Variants in NCAPD3 observed in about 807,000 individuals in gnomAD.
The protein encoded by NCAPD3 is non-SMC condensin II complex subunit D3, also known as condensin-2 complex subunit D3.
In NCAPD3, 105 loss-of-function variants were observed where a neutral mutation model predicts 182.9. The ratio of observed to expected loss-of-function variants is 0.57; its 90% CI spans 0.49 to 0.68. The LOEUF (loss-of-function observed/expected upper bound fraction) is 0.68. Ranked by LOEUF, NCAPD3 falls within the 30% of genes least tolerant of loss-of-function variation. NCAPD3 has a pLI of 0.00. For synonymous variants in NCAPD3, 815 were observed against 679.9 expected (o/e 1.20, Z -3.09); for missense variants, 1,944 against 1,837.0 (o/e 1.06, Z -1.07).
intron 27 of NCAPD3, among the ~76,000 whole-genome samples, chr11:134,167,254 T>G (rs1211571717): frequency 6.2e-4 from 59 of 95,554 alleles, no homozygotes; most frequent in South Asian, 1.9e-3. Flanking sequence ...ACTCGTGAGA[T>G]GAGCTTAGGG....
intron 16 of NCAPD3, among the ~76,000 whole-genome samples, chr11:134,186,994 T>TTATA (rs1944421111): frequency 6.6e-6 from 1 of 152,214 alleles, no homozygotes; most frequent in Admixed American, 6.5e-5. Flanking sequence ...GTAATGTTTA[T>TTATA]TATATGTAGC....
At chr11:134,208,432 C>T (rs936148262) in intron 7 of NCAPD3, among the ~76,000 whole-genome samples, 5 of 152,110 alleles carry the variant, frequency 3.3e-5, no homozygotes, top group Non-Finnish European at 7.3e-5. Context: ...ATACAACTAC[C>T]AATAGAAATA....
Position 134,151,795 on chromosome 11 carries a change from G to T in NCAPD3, c.*1149C>A, listed in dbSNP as rs142170616. The T allele has an allele frequency of 6.6e-6, 1 of 152,148 alleles. No homozygotes were observed. The highest frequency in any genetic ancestry group is 1.5e-5 in the Non-Finnish European group (1 of 68,038). 9.4% of individuals were successfully genotyped at this position (152,148 alleles called of 1,614,324 possible). On this transcript the variant is annotated 3_prime_UTR_variant, in exon 35 of 35. Transcript: ENST00000534548. The stretch of plus-strand genomic sequence containing the variant: ...TGTTATTTGCTCTTACGTTGGGTTT[G>T]TCTCTTCTTCCTAGCATTTCAGTGG...
chr11:134,205,111 G>T (rs1944823680), intron 8 of NCAPD3, 140 bp from the exon 9 acceptor site: 1 of 583,884 alleles, frequency 1.7e-6, no homozygotes, highest in African/African-American at 1.9e-5. Context: ...AGAATGAAGA[G>T]TGAAGACATA....
intron 2 of NCAPD3, 29 bp downstream of exon 2, chr11:134,220,543 C>T (rs1938186315): frequency 6.3e-7 from 1 of 1,593,314 alleles, no homozygotes; most frequent in Non-Finnish European, 8.6e-7. Context: ...TAACACCAAA[C>T]TTTGGCTAGT....
intron 1 of NCAPD3, 151 bp downstream of exon 1, chr11:134,223,711 TG>T: frequency 1.1e-6 from 1 of 888,178 alleles, no homozygotes; most frequent in Non-Finnish European, 1.7e-6. Flanking sequence ...GCCGCAATCC[TG>T]GCGTGGCACG....
In NCAPD3 at chr11:134,168,369, C is replaced by T. The variant is rs1041739978; in HGVS notation, c.3373+100G>A. 1.0e-5 allele frequency: 16 copies of T among 1,545,738 alleles called. No individual in the cohort carries two copies. The South Asian group carries it at 1.4e-4, about 13-fold the overall frequency. On this transcript the variant is annotated intron_variant, in intron 26 of 34. Coordinates refer to ENST00000534548, the MANE Select transcript of NCAPD3 (RefSeq NM_015261.3). ...GGACAAGATGACAGGGGTCTTCCTGCAGTGCCAGGGTCTCCCTTACTAGAG... is the reference window on the plus strand; with the variant it reads ...GGACAAGATGACAGGGGTCTTCCTGTAGTGCCAGGGTCTCCCTTACTAGAG...
At chr11:134,153,950 C>T (rs1222160499) in intron 32 of NCAPD3, 1 of 158,066 alleles carries the variant, frequency 6.3e-6, no homozygotes, top group Non-Finnish European at 1.4e-5. Flanking sequence ...TTCATGGCAC[C>T]TACCCGCAAT....
chr11:134,175,103 T>G (rs769288842), intron 24 of NCAPD3, among the ~76,000 whole-genome samples: 2 of 152,246 alleles, frequency 1.3e-5, no homozygotes, highest in Non-Finnish European at 2.9e-5. Flanking sequence ...TTCATTTGAT[T>G]GATGATCTGA....
chr11:134,160,222 A>T, intron 28 of NCAPD3, 148 bp from the exon 29 acceptor site: 1 of 720,472 alleles, frequency 1.4e-6, no homozygotes, highest in Admixed American at 3.1e-5. Context: ...AGAAAGAAAA[A>T]AGCCCCCCAA....
intron 32 of NCAPD3, among the ~76,000 whole-genome samples, chr11:134,155,549 A>T (rs73042025): frequency 0.025 from 3,869 of 152,338 alleles, 83 homozygotes; most frequent in Middle Eastern, 0.041. Context: ...GTGGCTCCAC[A>T]CAGGCAGATG....
In NCAPD3 at chr11:134,176,506, A is replaced by G. The variant is rs1944170661; in HGVS notation, c.3022-120T>C. 4 of 767,264 alleles carry G rather than the reference A, an allele frequency of 5.2e-6. No homozygotes were observed. In the Admixed American group the frequency reaches 6.1e-5, roughly 12 times the overall value. 47.5% of individuals were successfully genotyped at this position (767,264 alleles called of 1,614,324 possible). On this transcript the variant is annotated intron_variant, in intron 23 of 34. Transcript: ENST00000534548. ...CGGCACACTGGCTGAGTGCACAGGC[A>G]CACACTTCCAAACCGTCGGAATGTA...
At chr11:134,167,845 T>TG in intron 27 of NCAPD3, 151 bp downstream of exon 27, 1 of 729,150 alleles carries the variant, frequency 1.4e-6, no homozygotes, top group South Asian at 1.7e-5. Flanking sequence ...GAGATGAGCT[T>TG]GGGGGAGCAG....
At chr11:134,178,780 A>T in intron 21 of NCAPD3, 39 bp from the exon 22 acceptor site, 1 of 1,608,954 alleles carries the variant, frequency 6.2e-7, no homozygotes, top group Non-Finnish European at 8.5e-7. Context: ...CAGAACCTTG[A>T]AACGGCATGC....
In NCAPD3 at chr11:134,177,469, G is replaced by A; in HGVS notation, c.2783-12C>T. 6.2e-7 allele frequency: 1 copy of A among 1,604,186 alleles called. No individual in the cohort carries two copies. Among genetic ancestry groups the A allele is most frequent in the Middle Eastern group, 1.7e-4 (1 of 6,004 alleles). On this transcript the variant is annotated splice_polypyrimidine_tract_variant and intron_variant, in intron 22 of 34. Transcript: ENST00000534548. Reference sequence around the variant, plus strand: ...TAAGCACAGCTTACCTGGCACAGAAGACAGGAAGATGTCTCAACTGTATTC... The same window carrying A: ...TAAGCACAGCTTACCTGGCACAGAAAACAGGAAGATGTCTCAACTGTATTC...
intron 17 of NCAPD3, 110 bp from the exon 18 acceptor site, chr11:134,185,110 G>T: frequency 1.0e-6 from 1 of 975,046 alleles, no homozygotes; most frequent in Non-Finnish European, 1.6e-6. Flanking sequence ...TAGGTAGCAT[G>T]GCTTAGGAGT....
rs1035221258 is a variant in NCAPD3 at position 134,185,635 on chromosome 11, G to T, written c.2046-109C>A. The stretch of plus-strand genomic sequence containing the variant: ...CAACTTCTGCTGCTCCAGGACTCAA[G>T]TGGCACATGAAACTTATATGTAGAC... On this transcript the variant is annotated intron_variant, in intron 16 of 34. Transcript: ENST00000534548. 5.9e-6 allele frequency: 5 copies of T among 844,430 alleles called. No homozygotes were observed. The South Asian group carries it at 1.1e-4, about 18-fold the overall frequency. 52.3% of individuals were successfully genotyped at this position (844,430 alleles called of 1,614,324 possible).
chr11:134,197,196 G>A (rs1307071177), intron 13 of NCAPD3, among the ~76,000 whole-genome samples: 1 of 151,354 alleles, frequency 6.6e-6, no homozygotes, highest in Non-Finnish European at 1.5e-5. Context: ...ACAGATGCCA[G>A]TGCTATACTT....
At chr11:134,179,649 A>G (rs1302710308) in intron 20 of NCAPD3, among the ~76,000 whole-genome samples, 2 of 152,194 alleles carry the variant, frequency 1.3e-5, no homozygotes, top group Non-Finnish European at 2.9e-5. Context: ...TCACATTTTG[A>G]AACACATTTT....
Sources: allele counts gnomAD v4.1 joint callset (sites outside exome capture counted in the v4.1 genomes callset), GRCh38; gene constraint gnomAD v4.1.1; transcripts MANE v1.5; gene names NCBI Gene and HGNC (gene_info 2026-07-23, HGNC 2026-07-21).